The following FBN1 variants were observed in gnomAD, a reference collection of about 807,000 sequenced individuals.
The protein encoded by FBN1 is fibrillin 1.
FBN1 carries 29 observed loss-of-function variants against 365.1 expected under a neutral mutation model. That is an observed-to-expected ratio of 0.08 (90% CI 0.06 to 0.11). The LOEUF (loss-of-function observed/expected upper bound fraction) is 0.11. FBN1 is among the 10% of genes least tolerant of loss of function. The pLI is 1.00. For missense variants in FBN1, 2,476 were observed against 3,703.2 expected (o/e 0.67, Z 8.60); for synonymous variants, 1,210 against 1,270.5 (o/e 0.95, Z 1.01).
intron 64 of FBN1, among the ~76,000 whole-genome samples, chr15:48,414,894 T>TA (rs11299662): frequency 5.1e-5 from 7 of 137,102 alleles, no homozygotes; most frequent in Admixed American, 7.2e-5. Context: ...AGACTCCGTC[T>TA]AAAAAAAAAA....
At chr15:48,420,654 C>T in intron 63 of FBN1, 33 bp downstream of exon 63, 2 of 1,613,730 alleles carry the variant, frequency 1.2e-6, no homozygotes, top group Non-Finnish European at 1.7e-6. Flanking sequence ...ACCTGATAGC[C>T]ATGCATCTTG....
chr15:48,457,264 G>C (rs1375273804), intron 43 of FBN1, among the ~76,000 whole-genome samples: 1 of 152,180 alleles, frequency 6.6e-6, no homozygotes, highest in Non-Finnish European at 1.5e-5. Context: ...GTGTGGGGAT[G>C]TCAGCTGGGC....
intron 55 of FBN1, 57 bp downstream of exon 55, chr15:48,432,809 A>G: frequency 6.2e-7 from 1 of 1,602,352 alleles, no homozygotes; most frequent in South Asian, 1.1e-5. Context: ...TTTGAGGGAC[A>G]TCTCCCCTCA....
At chr15:48,598,594 T>A (rs530655237) in intron 5 of FBN1, among the ~76,000 whole-genome samples, 1 of 152,246 alleles carries the variant, frequency 6.6e-6, no homozygotes, top group East Asian at 1.9e-4. Flanking sequence ...ATGTCCCACA[T>A]CCCTTGCTGT....
At chr15:48,489,648 A>G (rs1395198024) in intron 25 of FBN1, among the ~76,000 whole-genome samples, 3 of 152,276 alleles carry the variant, frequency 2.0e-5, no homozygotes, top group Admixed American at 6.5e-5. Flanking sequence ...ATCTCTCCAT[A>G]CAGAACAATT....
At chr15:48,488,580 G>C (rs2043530313) in intron 25 of FBN1, 87 bp from the exon 26 acceptor site, 5 of 1,499,230 alleles carry the variant, frequency 3.3e-6, no homozygotes, top group South Asian at 1.2e-5. Context: ...AATCATGAAG[G>C]TTGGAAGTTC....
intron 2 of FBN1, among the ~76,000 whole-genome samples, chr15:48,614,541 G>A (rs1046437646): frequency 6.6e-6 from 1 of 152,058 alleles, no homozygotes; most frequent in African/African-American, 2.4e-5. Context: ...CACCCTGCAG[G>A]GCACCACACA....
chr15:48,511,724 A>C (rs1472401722), intron 13 of FBN1, among the ~76,000 whole-genome samples: 1 of 152,192 alleles, frequency 6.6e-6, no homozygotes, highest in East Asian at 1.9e-4. Context: ...TCTTATTTTC[A>C]GGATAACCTT....
intron 44 of FBN1, among the ~76,000 whole-genome samples, chr15:48,455,967 C>T (rs1409847750): frequency 6.6e-6 from 1 of 151,900 alleles, no homozygotes; most frequent in Non-Finnish European, 1.5e-5. Context: ...AAAATTATTC[C>T]AACTATCCTG....
At chr15:48,441,915 A>C (rs906967589) in intron 49 of FBN1, 69 bp from the exon 50 acceptor site, 3 of 1,542,340 alleles carry the variant, frequency 1.9e-6, no homozygotes, top group African/African-American at 2.7e-5. Context: ...CAAACACACA[A>C]TGTGGACACA....
chr15:48,542,407 G>A (rs908704814), intron 6 of FBN1, among the ~76,000 whole-genome samples: 4 of 152,050 alleles, frequency 2.6e-5, no homozygotes, highest in Non-Finnish European at 5.9e-5. Flanking sequence ...TGACATAGAG[G>A]GTCACAGCAC....
chr15:48,413,537 T>A (rs2042880364), intron 64 of FBN1, among the ~76,000 whole-genome samples: 1 of 152,222 alleles, frequency 6.6e-6, no homozygotes, highest in African/African-American at 2.4e-5. Flanking sequence ...GTTTCACAAG[T>A]ACCTTGTTTT....
At chr15:48,413,339 T>C (rs537383312) in intron 64 of FBN1, among the ~76,000 whole-genome samples, 148 of 152,358 alleles carry the variant, frequency 9.7e-4, no homozygotes, top group African/African-American at 3.4e-3. Context: ...ATATGCCGTA[T>C]ATAAAATGCA....
At chr15:48,516,862 A>C (rs1330141991) in intron 10 of FBN1, among the ~76,000 whole-genome samples, 1 of 152,166 alleles carries the variant, frequency 6.6e-6, no homozygotes, top group Non-Finnish European at 1.5e-5. Context: ...GCAGAAGACC[A>C]AGGGGGAGAT....
At chr15:48,631,282 G>C (rs1187384029) in intron 2 of FBN1, among the ~76,000 whole-genome samples, 1 of 152,198 alleles carries the variant, frequency 6.6e-6, no homozygotes, top group East Asian at 1.9e-4. Flanking sequence ...GTTGCTGCAT[G>C]GCATGAAGCC....
intron 9 of FBN1, among the ~76,000 whole-genome samples, chr15:48,524,110 T>C (rs1199101410): frequency 2.0e-5 from 3 of 152,084 alleles, no homozygotes; most frequent in African/African-American, 4.8e-5. Flanking sequence ...TCTTTATGAC[T>C]CCTAGGAGTC....
chr15:48,481,877 G>C (rs1040632055), intron 31 of FBN1, 97 bp from the exon 32 acceptor site: 4 of 1,237,290 alleles, frequency 3.2e-6, no homozygotes, highest in Non-Finnish European at 4.7e-6. Flanking sequence ...CATTAGAAAA[G>C]GTAAAATGCT....
At chr15:48,573,068 A>C (rs1449089850) in intron 6 of FBN1, among the ~76,000 whole-genome samples, 2 of 152,174 alleles carry the variant, frequency 1.3e-5, no homozygotes, top group Non-Finnish European at 2.9e-5. Flanking sequence ...GGGAAAGACC[A>C]GCTCATGGGA....
At chr15:48,497,427 A>G (rs2141306654) in intron 18 of FBN1, 36 bp from the exon 19 acceptor site, 1 of 1,572,406 alleles carries the variant, frequency 6.4e-7, no homozygotes, top group Non-Finnish European at 8.8e-7. Context: ...AATTAAGATT[A>G]TAAAATAAAT....
Sources: allele counts gnomAD v4.1 joint callset (sites outside exome capture counted in the v4.1 genomes callset), GRCh38; gene constraint gnomAD v4.1.1; transcripts MANE v1.5; gene names NCBI Gene and HGNC (gene_info 2026-07-23, HGNC 2026-07-21).